The following PLCB1 variants were observed in gnomAD, a reference collection of about 807,000 sequenced individuals.
The protein encoded by PLCB1 is phospholipase C beta 1.
Under a neutral mutation model 161.8 loss-of-function variants are expected in PLCB1, and 46 were observed. That is an observed-to-expected ratio of 0.28 (90% CI 0.22 to 0.36). The LOEUF (loss-of-function observed/expected upper bound fraction) is 0.36, where lower values mean the gene tolerates loss of function less well. Ranked by LOEUF, PLCB1 falls within the 10% of genes least tolerant of loss-of-function variation. The pLI, the probability that PLCB1 is intolerant of heterozygous loss-of-function variation, is 1.00. For missense variants in PLCB1, 1,016 were observed against 1,472.5 expected (o/e 0.69, Z 5.07); for synonymous variants, 517 against 503.7 (o/e 1.03, Z -0.35).
chr20:8,661,199 A>G (rs965230781), intron 9 of PLCB1, among the ~76,000 whole-genome samples: 2 of 152,080 alleles, frequency 1.3e-5, no homozygotes, highest in Non-Finnish European at 2.9e-5. Context: ...TTTCCCCAGC[A>G]CCTAGAAGAT....
intron 31 of PLCB1, among the ~76,000 whole-genome samples, chr20:8,861,730 A>G (rs1247055131): frequency 1.2e-5 from 1 of 80,132 alleles, no homozygotes; most frequent in Non-Finnish European, 3.1e-5. Flanking sequence ...CTCTACCTCA[A>G]AAAAAAAAAA....
intron 2 of PLCB1, among the ~76,000 whole-genome samples, chr20:8,341,410 C>T (rs746571760): frequency 1.3e-5 from 2 of 152,206 alleles, no homozygotes; most frequent in Non-Finnish European, 1.5e-5. Context: ...CATTCCTTTT[C>T]ATGAAACTTG....
intron 3 of PLCB1, among the ~76,000 whole-genome samples, chr20:8,464,875 G>C (rs1981747835): frequency 6.6e-6 from 1 of 152,094 alleles, no homozygotes. Context: ...TCAGCCCTCA[G>C]CTGGGGTTGG....
chr20:8,714,626 G>A (rs1979203015), intron 12 of PLCB1, among the ~76,000 whole-genome samples: 1 of 152,300 alleles, frequency 6.6e-6, no homozygotes, highest in South Asian at 2.1e-4. Context: ...TAATACTGCT[G>A]AGGAATGTGG....
chr20:8,843,675 A>G (rs6086635), intron 31 of PLCB1, among the ~76,000 whole-genome samples: 48,664 of 151,942 alleles, frequency 0.32, 8,783 homozygotes, highest in East Asian at 0.63. Flanking sequence ...AGATGAAAAT[A>G]ATGTTTTATT....
intron 3 of PLCB1, among the ~76,000 whole-genome samples, chr20:8,399,347 T>A (rs915140698): frequency 6.6e-6 from 1 of 152,206 alleles, no homozygotes; most frequent in Non-Finnish European, 1.5e-5. Context: ...TTTAAAAGTC[T>A]ATCTTTTGTA....
intron 3 of PLCB1, among the ~76,000 whole-genome samples, chr20:8,615,291 G>A (rs932369585): frequency 6.6e-6 from 1 of 152,122 alleles, no homozygotes; most frequent in African/African-American, 2.4e-5. Context: ...TTGGGTTTGG[G>A]AAAATCAAAT....
intron 31 of PLCB1, among the ~76,000 whole-genome samples, chr20:8,852,303 A>G (rs189932279): frequency 5.3e-5 from 8 of 152,232 alleles, no homozygotes; most frequent in Admixed American, 1.3e-4. Context: ...GCTGTGTTAC[A>G]AAGTGTTCCT....
chr20:8,769,501 G>A (rs1375763607), intron 26 of PLCB1, among the ~76,000 whole-genome samples: 1 of 151,868 alleles, frequency 6.6e-6, no homozygotes, highest in Non-Finnish European at 1.5e-5. Context: ...TTATCAGATA[G>A]CCTATTTTTC....
chr20:8,641,721 G>A (rs1157636286), intron 4 of PLCB1, among the ~76,000 whole-genome samples: 2 of 152,152 alleles, frequency 1.3e-5, no homozygotes, highest in Admixed American at 1.3e-4. Context: ...ACCTTCTCTG[G>A]TGGTGAAAGA....
chr20:8,407,167 AT>A lies in PLCB1; in HGVS notation c.246+35725del, dbSNP rs962463058. 1.2e-3 allele frequency among the ~76,000 whole-genome samples: 180 copies of A among 152,232 alleles called. 1 individual carries two copies. Among genetic ancestry groups the A allele is most frequent in the Non-Finnish European group, 1.9e-3 (127 of 68,014 alleles). ...ACAAATGGATAAATTTGAAAATAAAATTTTTTTTAATGTGAGCAAATAAGAA... is the reference window on the plus strand; with the variant it reads ...ACAAATGGATAAATTTGAAAATAAAATTTTTTTAATGTGAGCAAATAAGAA... On this transcript the variant is annotated intron_variant, in intron 3 of 31. Transcript: ENST00000338037.
At chr20:8,531,352 A>T (rs540059357) in intron 3 of PLCB1, among the ~76,000 whole-genome samples, 2 of 152,254 alleles carry the variant, frequency 1.3e-5, no homozygotes, top group African/African-American at 4.8e-5. Context: ...ATGTGTTATG[A>T]TGTTTTGATT....
intron 2 of PLCB1, among the ~76,000 whole-genome samples, chr20:8,284,978 T>G (rs569264276): frequency 2.4e-4 from 37 of 152,280 alleles, no homozygotes; most frequent in Admixed American, 7.9e-4. Flanking sequence ...GACATTTATG[T>G]GCTCGTTTTC....
intron 2 of PLCB1, among the ~76,000 whole-genome samples, chr20:8,281,078 A>C (rs1438418900): frequency 6.6e-6 from 1 of 152,218 alleles, no homozygotes; most frequent in Non-Finnish European, 1.5e-5. Flanking sequence ...ACCTTTCTAA[A>C]AGTAAAAATC....
In PLCB1 at chr20:8,336,401, A is replaced by G. The variant is rs76415420; in HGVS notation, c.178-34981A>G. Among the ~76,000 whole-genome samples the G allele has an allele frequency of 9.5e-3, 1,443 of 152,322 alleles. 26 individuals are homozygous for G. The highest frequency in any genetic ancestry group is 0.032 in the African/African-American group (1,326 of 41,572). On this transcript the variant is annotated intron_variant, in intron 2 of 31. Transcript: ENST00000338037. ...GGATTTCATATAATAAAGACATTCT[A>G]TGAATTGGGAGTATCTAGGATTCTC...
chr20:8,137,552 G>A (rs1192412382), intron 1 of PLCB1, among the ~76,000 whole-genome samples: 1 of 152,202 alleles, frequency 6.6e-6, no homozygotes, highest in Non-Finnish European at 1.5e-5. Context: ...TAATCTAAGT[G>A]TAAGAGCATA....
chr20:8,718,839 T>C (rs1236094493), intron 14 of PLCB1, among the ~76,000 whole-genome samples: 1 of 152,218 alleles, frequency 6.6e-6, no homozygotes, highest in East Asian at 1.9e-4. Flanking sequence ...ACTATAGAAC[T>C]GAGCACTGGA....
chr20:8,293,852 A>G (rs1334584153), intron 2 of PLCB1, among the ~76,000 whole-genome samples: 1 of 152,174 alleles, frequency 6.6e-6, no homozygotes, highest in Non-Finnish European at 1.5e-5. Flanking sequence ...TCCCATTCTA[A>G]GAAAGTGAGT....
chr20:8,175,795 T>C (rs1248393276), intron 2 of PLCB1, among the ~76,000 whole-genome samples: 3 of 151,954 alleles, frequency 2.0e-5, no homozygotes, highest in Non-Finnish European at 2.9e-5. Flanking sequence ...ATAAAGGACC[T>C]TCAAATTCAC....
Sources: allele counts gnomAD v4.1 joint callset (sites outside exome capture counted in the v4.1 genomes callset), GRCh38; gene constraint gnomAD v4.1.1; transcripts MANE v1.5; gene names NCBI Gene and HGNC (gene_info 2026-07-23, HGNC 2026-07-21).